DDI2: variants seen among roughly 807,000 people sequenced by gnomAD.
DDI2 encodes protein DDI1 homolog 2.
A neutral mutation model predicts 48.1 loss-of-function variants in DDI2; 5 were observed. The ratio of observed to expected loss-of-function variants is 0.10; its 90% confidence interval spans 0.05 to 0.22. The LOEUF is 0.22. Among genes scored for constraint, DDI2 ranks in the 10% least tolerant of loss-of-function variants. The pLI is 1.00. For synonymous variants in DDI2, 205 were observed against 183.6 expected, an observed-to-expected ratio of 1.12 and a Z score of -0.94; for missense variants, 285 against 506.2, an observed-to-expected ratio of 0.56 and a Z score of 4.19.
chr1:15,649,250 T>C (rs1413122725), intron 6 of DDI2, among the ~76,000 whole-genome samples: 1 of 151,808 alleles, frequency 6.6e-6, no homozygotes, highest in Non-Finnish European at 1.5e-5. Flanking sequence ...TGTAATCCCA[T>C]CTACTTGGAA....
intron 8 of DDI2, among the ~76,000 whole-genome samples, chr1:15,652,297 GTCC>G (rs1357498879): frequency 6.6e-6 from 1 of 151,536 alleles, no homozygotes; most frequent in African/African-American, 2.4e-5. Context: ...GGCTCAAGCA[GTCC>G]TCCTGCCTTG....
At chr1:15,638,001 A>G (rs781244175) in intron 4 of DDI2, among the ~76,000 whole-genome samples, 7 of 152,212 alleles carry the variant, frequency 4.6e-5, no homozygotes, top group Non-Finnish European at 8.8e-5. Context: ...CCGAAATTCT[A>G]ACATTCTGCC....
rs775946271 is a variant in DDI2 at position 15,630,503 on chromosome 1, G to C, written c.447G>C (p.Leu149=). The change falls in exon 3 of 10, where the codon CTG becomes CTC. Residue 149 remains leucine (L), a synonymous_variant. Transcript: ENST00000480945. ...RDMLLANPHE[L]SLLKERNPPL... ...TGTTGCTGGCCAACCCGCATGAGCT[G>C]TCCTTGCTGAAGGAACGCAATCCAC... 3.5e-5 allele frequency: 57 copies of C among 1,614,064 alleles called. 1 individual carries two copies. The South Asian group carries it at 5.8e-4, about 16-fold the overall frequency.
rs1275588965 is a variant in DDI2, at chr1:15,660,358, G to A, written c.*568G>A. The A allele has an allele frequency of 1.9e-6, 3 of 1,613,946 alleles. No individual in the cohort carries two copies. Among genetic ancestry groups the A allele is most frequent in the Non-Finnish European group, 2.5e-6 (3 of 1,180,012 alleles). On this transcript the variant is annotated 3_prime_UTR_variant, in exon 10 of 10. Transcript: ENST00000480945. ...AAATCAGAACCTGAGTCAAGTGAGT[G>A]ACCCTCAGCAGCACGAAGAACCAGG... is the stretch of plus-strand genomic sequence containing the variant.
chr1:15,629,174 T>C (rs1639804791), intron 2 of DDI2, among the ~76,000 whole-genome samples: 1 of 152,222 alleles, frequency 6.6e-6, no homozygotes, highest in Non-Finnish European at 1.5e-5. Flanking sequence ...TGAGAAGAGT[T>C]AGCAGAGATG....
In DDI2 at chr1:15,665,200, TGTG is replaced by T. The variant is rs1640434680; in HGVS notation, c.*5414_*5416del. The stretch of plus-strand genomic sequence containing the variant: ...TCACTTAAACCTGGGAGGCGGAGGT[TGTG>T]GTGAGCAGAGATCACGCCATTGCAC... On this transcript the variant is annotated 3_prime_UTR_variant, in exon 10 of 10. Transcript: ENST00000480945. 1 of 149,256 alleles carries T rather than the reference TGTG, an allele frequency of 6.7e-6. No homozygotes were observed. Among genetic ancestry groups the T allele is most frequent in the African/African-American group, 2.5e-5 (1 of 39,676 alleles). The allele number at this position is 149,256 out of a possible 1,614,324, so 9.2% of individuals were successfully genotyped here.
At chr1:15,648,047 C>T (rs1052333140) in intron 6 of DDI2, among the ~76,000 whole-genome samples, 4 of 152,118 alleles carry the variant, frequency 2.6e-5, no homozygotes, top group Admixed American at 6.6e-5. Context: ...AGTTTTTCTG[C>T]ACATTTGCTC....
chr1:15,647,781 G>A (rs1326631130), intron 6 of DDI2, among the ~76,000 whole-genome samples: 2 of 152,062 alleles, frequency 1.3e-5, no homozygotes, highest in African/African-American at 2.4e-5. Flanking sequence ...GGGGGCCATA[G>A]CGAAACCACA....
intron 8 of DDI2, chr1:15,656,371 CA>C: frequency 2.2e-6 from 3 of 1,359,386 alleles, no homozygotes; most frequent in Non-Finnish European, 2.9e-6. Flanking sequence ...TGTGTAGAAA[CA>C]AAATTAATTT....
In DDI2 at chr1:15,656,695, ATG is replaced by A. The variant is rs1640278320; in HGVS notation, c.*46+18_*46+19del. 3 of 1,613,758 alleles carry A rather than the reference ATG, an allele frequency of 1.9e-6. No individual in the cohort carries two copies. In the Admixed American group the frequency reaches 5.0e-5, roughly 27 times the overall value. ...CCCAGACCAGGTATTTATAGACACCATGTTAAGCCTTCCATCCAGTTGTCATC... is the reference window on the plus strand; with the variant it reads ...CCCAGACCAGGTATTTATAGACACCATTAAGCCTTCCATCCAGTTGTCATC... On this transcript the variant is annotated intron_variant, in intron 9 of 9. Coordinates refer to ENST00000480945, the MANE Select transcript of DDI2 (RefSeq NM_032341.5).
At chr1:15,636,570 C>T (rs1292280640) in intron 4 of DDI2, among the ~76,000 whole-genome samples, 1 of 152,072 alleles carries the variant, frequency 6.6e-6, no homozygotes, top group Non-Finnish European at 1.5e-5. Flanking sequence ...CCTCCCAGGC[C>T]CAAGCAATCT....
intron 4 of DDI2, among the ~76,000 whole-genome samples, chr1:15,634,539 C>CTTTTTTT (rs370728497): frequency 1.0e-5 from 1 of 100,138 alleles, no homozygotes; most frequent in African/African-American, 4.5e-5. Flanking sequence ...TTCTTTTTAT[C>CTTTTTTT]TTTTTTTTTT....
Position 15,661,031 on chromosome 1 carries a change from G to A in DDI2, c.*1241G>A, listed in dbSNP as rs752355438. 1.1e-5 allele frequency: 18 copies of A among 1,614,092 alleles called. No individual in the cohort carries two copies. Among genetic ancestry groups the A allele is most frequent in the Non-Finnish European group, 1.4e-5 (17 of 1,180,018 alleles). On this transcript the variant is annotated 3_prime_UTR_variant, in exon 10 of 10. Coordinates refer to ENST00000480945, the MANE Select transcript of DDI2 (RefSeq NM_032341.5). ...TGTCAATCAGAAACCATAGCTGAGG[G>A]CCAAACCAGTATTAAAGACCTTTCT...
rs1557626035 is a variant in DDI2 at position 15,660,902 on chromosome 1, C to G, written c.*1112C>G. The G allele has an allele frequency of 6.2e-7, 1 of 1,613,930 alleles. No individual in the cohort carries two copies. Among genetic ancestry groups the G allele is most frequent in the Non-Finnish European group, 8.5e-7 (1 of 1,179,966 alleles). On this transcript the variant is annotated 3_prime_UTR_variant, in exon 10 of 10. Coordinates refer to ENST00000480945, the MANE Select transcript of DDI2 (RefSeq NM_032341.5). ...AGTTGTCAGCCTTCTGTGGAGTCAG[C>G]AGAAGAATCTTGCCCGTCTATAACG...
In DDI2 at chr1:15,617,487, C is replaced by T. The variant is rs932233936; in HGVS notation, c.-184C>T. On this transcript the variant is annotated 5_prime_UTR_variant, in exon 1 of 10. Transcript: ENST00000480945. ...GGACTCGCAGGCGTGTGGCGGCGGCCGTGCTTGCTAGTGAGGGCGGGAGGG... is the reference window on the plus strand; with the variant it reads ...GGACTCGCAGGCGTGTGGCGGCGGCTGTGCTTGCTAGTGAGGGCGGGAGGG... The T allele has an allele frequency of 3.4e-5, 13 of 382,860 alleles. No individual in the cohort carries two copies. The highest frequency in any genetic ancestry group is 4.4e-5 in the Non-Finnish European group (10 of 226,748). The allele number at this position is 382,860 out of a possible 1,614,324, so 23.7% of individuals were successfully genotyped here. A position where few individuals can be genotyped will look rare whatever the true frequency, so the allele number is the denominator to read the frequency against.
Position 15,663,720 on chromosome 1 carries a change from G to A in DDI2, c.*3930G>A, listed in dbSNP as rs1431122490. 2 of 151,988 alleles carry A rather than the reference G, an allele frequency of 1.3e-5. No homozygotes were observed. Among genetic ancestry groups the A allele is most frequent in the Non-Finnish European group, 2.9e-5 (2 of 68,020 alleles). 9.4% of individuals were successfully genotyped at this position (151,988 alleles called of 1,614,324 possible). A position where few individuals can be genotyped will look rare whatever the true frequency, so the allele number is the denominator to read the frequency against. ...TGCAAAATCTAGTAGCAATGCAATGGGACCCTGTATTTGCTTTATGGGTGG... is the reference window on the plus strand; with the variant it reads ...TGCAAAATCTAGTAGCAATGCAATGAGACCCTGTATTTGCTTTATGGGTGG... On this transcript the variant is annotated 3_prime_UTR_variant, in exon 10 of 10. Transcript: ENST00000480945.
Position 15,661,099 on chromosome 1 carries a change from T to A in DDI2, c.*1309T>A. The A allele has an allele frequency of 6.2e-7, 1 of 1,613,836 alleles. No homozygotes were observed. On this transcript the variant is annotated 3_prime_UTR_variant, in exon 10 of 10. Coordinates refer to ENST00000480945, the MANE Select transcript of DDI2 (RefSeq NM_032341.5). ...TGAGCATCTTACCCAGAATGAACAG[T>A]GTCCACAAGTCTCCTTTCATCAGGC...
intron 8 of DDI2, among the ~76,000 whole-genome samples, chr1:15,653,627 G>A (rs564421638): frequency 6.6e-6 from 1 of 152,062 alleles, no homozygotes; most frequent in African/African-American, 2.4e-5. Context: ...TTCCTGACTA[G>A]CTATGACTAC....
intron 1 of DDI2, among the ~76,000 whole-genome samples, chr1:15,620,736 G>A (rs1639646494): frequency 6.6e-6 from 1 of 151,788 alleles, no homozygotes; most frequent in African/African-American, 2.4e-5. Flanking sequence ...CATTATATAT[G>A]GCCACATGTG....
Sources: allele counts gnomAD v4.1 joint callset (sites outside exome capture counted in the v4.1 genomes callset), GRCh38; gene constraint gnomAD v4.1.1; transcripts MANE v1.5; gene names NCBI Gene and HGNC (gene_info 2026-07-23, HGNC 2026-07-21).